The following RORB variants were observed in gnomAD, a reference collection of about 807,000 sequenced individuals.
RORB encodes the protein nuclear receptor ROR-beta.
Under a neutral mutation model 59.1 loss-of-function variants are expected in RORB, and 6 were observed. The ratio of observed to expected loss-of-function variants is 0.10; its 90% CI spans 0.06 to 0.20. The LOEUF is 0.20. Ranked by LOEUF, RORB falls within the 10% of genes least tolerant of loss-of-function variation. The pLI, the probability that RORB is intolerant of heterozygous loss-of-function variation, is 1.00. For synonymous variants in RORB, 215 were observed against 204.5 expected (o/e 1.05, Z -0.44); for missense variants, 320 against 560.5 (o/e 0.57, Z 4.33).
chr9:74,505,145 GC>G (rs1587330336), intron 1 of RORB, among the ~76,000 whole-genome samples: 1 of 152,060 alleles, frequency 6.6e-6, no homozygotes, highest in African/African-American at 2.4e-5. Context: ...ATTATTAGCT[GC>G]AAAAAATGCA....
At chr9:74,593,699 G>GA (rs1822933829) in intron 1 of RORB, among the ~76,000 whole-genome samples, 1 of 152,138 alleles carries the variant, frequency 6.6e-6, no homozygotes, top group African/African-American at 2.4e-5. Context: ...CAATGGAAAA[G>GA]AAGGGACAGG....
intron 1 of RORB, among the ~76,000 whole-genome samples, chr9:74,622,365 G>A (rs12341677): frequency 1.3e-5 from 2 of 152,100 alleles, no homozygotes; most frequent in South Asian, 4.1e-4. Context: ...TTCATATAGA[G>A]AGCGAGAAAT....
chr9:74,685,339 C>A, intron 9 of RORB, 124 bp from the exon 10 acceptor site: 2 of 775,858 alleles, frequency 2.6e-6, no homozygotes, highest in Non-Finnish European at 1.9e-6. Context: ...CGCCTTCTTT[C>A]TTTCTGAACA....
intron 1 of RORB, among the ~76,000 whole-genome samples, chr9:74,574,318 C>T (rs897733439): frequency 2.0e-5 from 3 of 152,184 alleles, no homozygotes; most frequent in East Asian, 1.9e-4. Context: ...AGAAAGTTTA[C>T]GAGGGGAAAT....
intron 1 of RORB, among the ~76,000 whole-genome samples, chr9:74,503,031 A>C: frequency 6.6e-6 from 1 of 152,088 alleles, no homozygotes; most frequent in Non-Finnish European, 1.5e-5. Context: ...AATATATAGA[A>C]AAGTAAATAT....
In RORB at chr9:74,689,160, G is replaced by C. The variant is rs1369529948; in HGVS notation, c.*3542G>C. On this transcript the variant is annotated 3_prime_UTR_variant, in exon 10 of 10. Coordinates refer to ENST00000376896, the MANE Select transcript of RORB (RefSeq NM_006914.4). ...CATGTTGCTCAGGCTGGAGTGCAGT[G>C]GCATGAGATCTTGGCTCGCTGCAAT... is the stretch of plus-strand genomic sequence containing the variant. 1.3e-5 allele frequency: 2 copies of C among 152,326 alleles called. No homozygotes were observed. The highest frequency in any genetic ancestry group is 4.8e-5 in the African/African-American group (2 of 41,438). The allele number at this position is 152,326 out of a possible 1,614,324, so 9.4% of individuals were successfully genotyped here. A position where few individuals can be genotyped will look rare whatever the true frequency, so the allele number is the denominator to read the frequency against.
chr9:74,630,167 C>A, intron 1 of RORB, 115 bp from the exon 2 acceptor site: 3 of 1,404,530 alleles, frequency 2.1e-6, no homozygotes, highest in South Asian at 1.6e-5. Flanking sequence ...ACCGCTCACA[C>A]CCCAGTATTT....
intron 1 of RORB, among the ~76,000 whole-genome samples, chr9:74,512,432 A>G (rs904552387): frequency 3.3e-5 from 5 of 152,200 alleles, no homozygotes; most frequent in Non-Finnish European, 5.9e-5. Flanking sequence ...ATAGGGAAGA[A>G]TTCATTATGA....
At chr9:74,656,363 A>C (rs549362080) in intron 4 of RORB, among the ~76,000 whole-genome samples, 5 of 152,186 alleles carry the variant, frequency 3.3e-5, no homozygotes, top group African/African-American at 1.2e-4. Flanking sequence ...GCTGGTGTGA[A>C]TTTTCACAAC....
At chr9:74,601,341 TA>T (rs1437559796) in intron 1 of RORB, among the ~76,000 whole-genome samples, 1 of 149,006 alleles carries the variant, frequency 6.7e-6, no homozygotes, top group Non-Finnish European at 1.5e-5. Flanking sequence ...AATTTTAATT[TA>T]ATTTAATTTT....
At chr9:74,670,845 C>T (rs1210690394) in intron 8 of RORB, among the ~76,000 whole-genome samples, 6 of 152,166 alleles carry the variant, frequency 3.9e-5, no homozygotes, top group African/African-American at 7.2e-5. Flanking sequence ...TACTCACTTA[C>T]GTAAGGTTTT....
intron 3 of RORB, among the ~76,000 whole-genome samples, chr9:74,641,559 G>A (rs553291600): frequency 6.6e-6 from 1 of 152,216 alleles, no homozygotes; most frequent in Admixed American, 6.5e-5. Context: ...TTAAAATTAT[G>A]TTTATCACCC....
chr9:74,516,996 C>A (rs904064613), intron 1 of RORB, among the ~76,000 whole-genome samples: 1 of 151,838 alleles, frequency 6.6e-6, no homozygotes. Context: ...AGGAGCTCAC[C>A]CCTTTTTCAA....
chr9:74,527,663 G>A (rs1048695253), intron 1 of RORB, among the ~76,000 whole-genome samples: 3 of 151,944 alleles, frequency 2.0e-5, no homozygotes, highest in African/African-American at 4.8e-5. Context: ...GAACACAACC[G>A]TCCGCAATTC....
chr9:74,596,171 T>C (rs762145664), intron 1 of RORB, among the ~76,000 whole-genome samples: 1 of 152,192 alleles, frequency 6.6e-6, no homozygotes, highest in East Asian at 1.9e-4. Flanking sequence ...TTTCTCTATG[T>C]CATTATGAAA....
At position 74,497,834 on chromosome 9, in the gene RORB, T is replaced by C; in HGVS notation, c.-143T>C. The C allele has an allele frequency of 1.1e-6, 1 of 947,608 alleles. No homozygotes were observed. Among genetic ancestry groups the C allele is most frequent in the South Asian group, 1.6e-5 (1 of 63,852 alleles). 58.7% of individuals were successfully genotyped at this position (947,608 alleles called of 1,614,324 possible). On this transcript the variant is annotated 5_prime_UTR_variant, in exon 1 of 10. Coordinates refer to ENST00000376896, the MANE Select transcript of RORB (RefSeq NM_006914.4). The stretch of plus-strand genomic sequence containing the variant: ...CAAACGTCACCCTGCAGCCACGGCG[T>C]CCGCCTAAAGGGATGGTTTTCTCGG...
chr9:74,620,727 G>A (rs1823400724), intron 1 of RORB, among the ~76,000 whole-genome samples: 2 of 152,290 alleles, frequency 1.3e-5, no homozygotes, highest in South Asian at 4.1e-4. Flanking sequence ...ATGTGTCCTA[G>A]AGATTCTGGT....
chr9:74,563,070 C>T (rs762702327), intron 1 of RORB, among the ~76,000 whole-genome samples: 1 of 152,008 alleles, frequency 6.6e-6, no homozygotes, highest in Non-Finnish European at 1.5e-5. Context: ...ATGAACAGAC[C>T]TTATTTATAT....
intron 1 of RORB, among the ~76,000 whole-genome samples, chr9:74,519,780 T>C (rs2118064990): frequency 6.6e-6 from 1 of 152,086 alleles, no homozygotes; most frequent in Middle Eastern, 3.4e-3. Flanking sequence ...TTTTAATTTC[T>C]TAAATTAAAT....
Sources: gnomAD v4.1 joint callset for allele counts (sites outside exome capture counted in the v4.1 genomes callset) on GRCh38, gnomAD v4.1.1 for gene constraint, MANE v1.5 for transcripts, NCBI Gene and HGNC (gene_info 2026-07-23, HGNC 2026-07-21) for gene names.